The following GALNT14 variants were observed in gnomAD, a reference collection of about 807,000 sequenced individuals.
GALNT14 encodes the protein polypeptide N-acetylgalactosaminyltransferase 14.
GALNT14 carries 60 observed loss-of-function variants against 77.5 expected under a neutral mutation model. That is an observed-to-expected ratio of 0.77 (90% CI 0.63 to 0.96). The LOEUF is 0.96. Among genes scored for constraint, GALNT14 ranks in the 40% least tolerant of loss-of-function variants. The probability of loss-of-function intolerance (pLI) is 0.00; values close to 1 mark genes in which losing one functional copy is unlikely to be tolerated. For synonymous variants in GALNT14, 280 were observed against 281.7 expected (o/e 0.99, Z 0.06); for missense variants, 710 against 731.0 (o/e 0.97, Z 0.33).
intron 1 of GALNT14, among the ~76,000 whole-genome samples, chr2:31,128,997 T>G (rs889742122): frequency 7.9e-5 from 12 of 151,146 alleles, no homozygotes; most frequent in African/African-American, 2.9e-4. Context: ...AAAGCAATGC[T>G]GGTGTTTCAG....
chr2:31,043,832 A>G (rs1214079865), intron 1 of GALNT14, among the ~76,000 whole-genome samples: 1 of 152,258 alleles, frequency 6.6e-6, no homozygotes, highest in Non-Finnish European at 1.5e-5. Context: ...AAAATACAAT[A>G]TGACAGCAGA....
intron 1 of GALNT14, among the ~76,000 whole-genome samples, chr2:31,093,085 C>G (rs1266151732): frequency 1.3e-5 from 2 of 152,062 alleles, no homozygotes; most frequent in Non-Finnish European, 2.9e-5. Flanking sequence ...GAGAGCAGAT[C>G]AGGGTGAGAA....
At chr2:30,989,560 T>TATATATA (rs1669525579) in intron 2 of GALNT14, among the ~76,000 whole-genome samples, 1 of 87,108 alleles carries the variant, frequency 1.1e-5, no homozygotes, top group African/African-American at 5.4e-5. Flanking sequence ...GGTAAATACC[T>TATATATA]TATATATATA....
chr2:31,102,839 T>C (rs1677346153), intron 1 of GALNT14, among the ~76,000 whole-genome samples: 1 of 152,158 alleles, frequency 6.6e-6, no homozygotes, highest in Non-Finnish European at 1.5e-5. Context: ...CATTGTGATA[T>C]GTACCTTTTA....
At chr2:30,938,739 C>A (rs1262778303) in intron 9 of GALNT14, among the ~76,000 whole-genome samples, 2 of 152,186 alleles carry the variant, frequency 1.3e-5, no homozygotes, top group Admixed American at 1.3e-4. Flanking sequence ...CCATGAAAAC[C>A]AAGATGGGGT....
At chr2:30,938,187 C>G (rs935807307) in intron 9 of GALNT14, among the ~76,000 whole-genome samples, 4 of 152,010 alleles carry the variant, frequency 2.6e-5, no homozygotes, top group Non-Finnish European at 5.9e-5. Context: ...TTTGTGCCTG[C>G]TGTGCTTTGG....
intron 1 of GALNT14, among the ~76,000 whole-genome samples, chr2:31,099,875 T>C (rs1677179002): frequency 6.6e-6 from 1 of 152,032 alleles, no homozygotes; most frequent in Admixed American, 6.6e-5. Context: ...TTTACCTTTT[T>C]ATTTGAACTT....
chr2:31,027,353 G>C (rs904232619), intron 1 of GALNT14, among the ~76,000 whole-genome samples: 1 of 150,242 alleles, frequency 6.7e-6, no homozygotes, highest in African/African-American at 2.5e-5. Context: ...GGAGGCAGAG[G>C]TTGCAGTGAG....
At chr2:30,928,633 T>C (rs1166888642) in intron 11 of GALNT14, among the ~76,000 whole-genome samples, 3 of 152,182 alleles carry the variant, frequency 2.0e-5, no homozygotes, top group Non-Finnish European at 4.4e-5. Context: ...ACTAATTTTT[T>C]TGAGATGGGG....
intron 1 of GALNT14, among the ~76,000 whole-genome samples, chr2:31,036,952 G>A (rs1177607087): frequency 6.6e-6 from 1 of 152,042 alleles, no homozygotes; most frequent in African/African-American, 2.4e-5. Context: ...TTACTATGAC[G>A]TGTCTAGGTG....
At chr2:30,930,854 T>A (rs10153602) in intron 10 of GALNT14, among the ~76,000 whole-genome samples, 3 of 152,210 alleles carry the variant, frequency 2.0e-5, no homozygotes. Flanking sequence ...TTAGCAGACA[T>A]CTGTGCCACA....
intron 1 of GALNT14, among the ~76,000 whole-genome samples, chr2:31,076,834 G>A (rs1675829091): frequency 6.6e-6 from 1 of 152,062 alleles, no homozygotes; most frequent in Non-Finnish European, 1.5e-5. Flanking sequence ...GACAACAGGT[G>A]TAAACTCATA....
At chr2:31,020,863 T>C (rs1671671191) in intron 1 of GALNT14, among the ~76,000 whole-genome samples, 1 of 152,184 alleles carries the variant, frequency 6.6e-6, no homozygotes, top group African/African-American at 2.4e-5. Context: ...GTGGGAGAAA[T>C]AGGCTTTCCA....
Position 30,973,874 on chromosome 2 carries a change from C to G in GALNT14, c.300-7572G>C, listed in dbSNP as rs1668494584. The stretch of plus-strand genomic sequence containing the variant: ...ACCCTTAACATAACAGTGAGATTCG[C>G]TATTCCATTATATCACCACCTTTGA... On this transcript the variant is annotated intron_variant, in intron 2 of 14. Coordinates refer to ENST00000349752, the MANE Select transcript of GALNT14 (RefSeq NM_024572.4). Among the ~76,000 whole-genome samples the G allele has an allele frequency of 1.3e-5, 2 of 152,220 alleles. 1 individual carries two copies. The highest frequency in any genetic ancestry group is 4.1e-4 in the South Asian group (2 of 4,834).
intron 1 of GALNT14, among the ~76,000 whole-genome samples, chr2:31,105,945 T>C (rs77729733): frequency 0.085 from 12,930 of 152,204 alleles, 602 homozygotes; most frequent in Middle Eastern, 0.12. Context: ...AAAAACACGG[T>C]TCCTATTATC....
chr2:31,048,824 G>A (rs1024377675), intron 1 of GALNT14, among the ~76,000 whole-genome samples: 6 of 152,058 alleles, frequency 3.9e-5, no homozygotes, highest in African/African-American at 1.4e-4. Flanking sequence ...AAACCCCAGA[G>A]AAGTGCCCCA....
intron 1 of GALNT14, among the ~76,000 whole-genome samples, chr2:31,090,402 C>T (rs548283271): frequency 1.3e-4 from 19 of 150,820 alleles, no homozygotes; most frequent in African/African-American, 4.6e-4. Context: ...TAGACGTTAA[C>T]AGCACAGGTA....
At chr2:30,890,217 C>A in the GALNT14 span, among the ~76,000 whole-genome samples, 1 of 152,124 alleles carries the variant, frequency 6.6e-6, no homozygotes, top group Admixed American at 6.5e-5. Flanking sequence ...GTTTTATTTG[C>A]AGATTTCTCT....
intron 1 of GALNT14, among the ~76,000 whole-genome samples, chr2:31,066,115 T>C (rs888884068): frequency 6.6e-6 from 1 of 152,106 alleles, no homozygotes; most frequent in Admixed American, 6.5e-5. Context: ...GGAGGAGGCA[T>C]ACATGACAGG....
Sources: gnomAD v4.1 joint callset for allele counts (sites outside exome capture counted in the v4.1 genomes callset) on GRCh38, gnomAD v4.1.1 for gene constraint, MANE v1.5 for transcripts, NCBI Gene and HGNC (gene_info 2026-07-23, HGNC 2026-07-21) for gene names.